Variants in CYREN observed in about 807,000 individuals in gnomAD.
CYREN encodes cell cycle regulator of non-homologous end joining.
In CYREN, 7 loss-of-function variants were observed where a neutral mutation model predicts 9.7. That is an observed-to-expected ratio of 0.72 (90% CI 0.41 to 1.36). CYREN has a LOEUF of 1.36. CYREN is among the 40% of genes most tolerant of loss of function. The pLI is 0.01. For synonymous variants in CYREN, 76 were observed against 77.9 expected (o/e 0.98, Z 0.13); for missense variants, 215 against 198.1 (o/e 1.09, Z -0.51).
intron 2 of CYREN, among the ~76,000 whole-genome samples, chr7:135,103,908 A>G (rs1417038313): frequency 2.0e-5 from 3 of 151,944 alleles, no homozygotes; most frequent in South Asian, 2.1e-4. Flanking sequence ...GATGTTCATC[A>G]TGGTATTATT....
intron 2 of CYREN, among the ~76,000 whole-genome samples, chr7:135,153,899 T>C (rs1012775029): frequency 6.6e-6 from 1 of 152,212 alleles, no homozygotes; most frequent in African/African-American, 2.4e-5. Flanking sequence ...TTTTTAATAG[T>C]TTCAGGATTA....
At chr7:135,153,332 T>C (rs1829707917) in intron 2 of CYREN, among the ~76,000 whole-genome samples, 1 of 151,796 alleles carries the variant, frequency 6.6e-6, no homozygotes, top group Non-Finnish European at 1.5e-5. Flanking sequence ...CACGCACCTG[T>C]AGTCCTAGCT....
chr7:135,122,794 A>C lies in CYREN; in HGVS notation n.357-28212T>G, dbSNP rs77339191. 7.1e-4 allele frequency among the ~76,000 whole-genome samples: 108 copies of C among 152,324 alleles called. 1 individual carries two copies. In the East Asian group the frequency reaches 0.017, roughly 24 times the overall value. On this transcript the variant is annotated intron_variant and non_coding_transcript_variant, in intron 2 of 2. Transcript: ENST00000459937. Reference sequence around the variant, plus strand: ...CCCCAGCAAACAGCAGCAGCCCTATAGAAAAGGGACCTGACCAATGAAAGA... The same window carrying C: ...CCCCAGCAAACAGCAGCAGCCCTATCGAAAAGGGACCTGACCAATGAAAGA...
chr7:135,168,516 A>G (rs1830402595), intron 2 of CYREN: 2 of 496,358 alleles, frequency 4.0e-6, no homozygotes, highest in Non-Finnish European at 7.1e-6. Context: ...CTGGCATCAG[A>G]GACTGGCTGA....
intron 2 of CYREN, chr7:135,115,824 G>A (rs1328973862): frequency 4.2e-6 from 2 of 481,156 alleles, no homozygotes; most frequent in African/African-American, 2.0e-5. Flanking sequence ...TTGATTATTT[G>A]CATGAAACTA....
intron 2 of CYREN, among the ~76,000 whole-genome samples, chr7:135,143,934 C>T (rs1292522618): frequency 6.6e-6 from 1 of 152,168 alleles, no homozygotes; most frequent in Admixed American, 6.5e-5. Flanking sequence ...AGAAGGGAAA[C>T]TCCACTGTGG....
At chr7:135,099,272 A>G (rs1823396795) in intron 2 of CYREN, among the ~76,000 whole-genome samples, 1 of 152,166 alleles carries the variant, frequency 6.6e-6, no homozygotes, top group African/African-American at 2.4e-5. Context: ...TGGAATGTTT[A>G]ACATTTATTA....
chr7:135,094,863 A>C (rs1009468366), intron 2 of CYREN, among the ~76,000 whole-genome samples: 7 of 152,224 alleles, frequency 4.6e-5, no homozygotes, highest in African/African-American at 1.7e-4. Context: ...GGCTTTAATC[A>C]TTAGTAGAAT....
intron 2 of CYREN, among the ~76,000 whole-genome samples, chr7:135,132,458 T>A (rs1027826541): frequency 6.6e-5 from 10 of 152,140 alleles, no homozygotes; most frequent in Middle Eastern, 3.2e-3. Context: ...TTCGACAGAA[T>A]TCAGTACCCA....
At chr7:135,123,707 C>T (rs1396047565) in intron 2 of CYREN, among the ~76,000 whole-genome samples, 2 of 152,130 alleles carry the variant, frequency 1.3e-5, no homozygotes, top group Non-Finnish European at 2.9e-5. Flanking sequence ...AGCAGAAACT[C>T]TACAAGCCAG....
chr7:135,162,806 T>G (rs1829980087), downstream of CYREN, among the ~76,000 whole-genome samples: 1 of 152,188 alleles, frequency 6.6e-6, no homozygotes, highest in Admixed American at 6.5e-5. Context: ...TACACATATG[T>G]AAAATACAGT....
intron 2 of CYREN, among the ~76,000 whole-genome samples, chr7:135,121,786 C>T (rs955259512): frequency 1.3e-5 from 2 of 151,966 alleles, no homozygotes; most frequent in South Asian, 2.1e-4. Context: ...CAGTGGCCCA[C>T]CTGAGAGCCA....
intron 2 of CYREN, among the ~76,000 whole-genome samples, chr7:135,154,336 T>C (rs201465965): frequency 6.6e-6 from 1 of 152,184 alleles, no homozygotes; most frequent in South Asian, 2.1e-4. Flanking sequence ...TGATCCTTTG[T>C]AAATTTTTTG....
At chr7:135,162,937 T>C (rs1271118974), downstream of CYREN, among the ~76,000 whole-genome samples, 1 of 152,246 alleles carries the variant, frequency 6.6e-6, no homozygotes, top group Non-Finnish European at 1.5e-5. Context: ...AGAGGGACTA[T>C]GATTAGCAAA....
rs1829671543 is a variant in CYREN, at chr7:135,151,763, A to G, written n.356+16986T>C. On this transcript the variant is annotated intron_variant and non_coding_transcript_variant, in intron 2 of 2. Coordinates refer to the CYREN transcript ENST00000459937. This position sits in a 1 kb window ranked among gnomAD's most constrained non-coding sequence, Gnocchi z 4.3. ...TGAGGATGTGAGGCTCAGGCTGGCT[A>G]TGTAACTTGCCCAAGGTCATATGAC... Among the ~76,000 whole-genome samples the G allele has an allele frequency of 6.6e-6, 1 of 152,206 alleles. No individual in the cohort carries two copies. The highest frequency in any genetic ancestry group is 2.1e-4 in the South Asian group (1 of 4,822).
At chr7:135,129,728 TTC>T in intron 2 of CYREN, 1 of 727,402 alleles carries the variant, frequency 1.4e-6, no homozygotes, top group Non-Finnish European at 2.6e-6. Flanking sequence ...TGGATTGGTT[TTC>T]CCTAATCTTT....
chr7:135,113,858 T>C lies in CYREN; in HGVS notation n.357-19276A>G, dbSNP rs557305956. Among the ~76,000 whole-genome samples the C allele has an allele frequency of 1.5e-3, 228 of 152,342 alleles. 2 individuals carry two copies. Among genetic ancestry groups the C allele is most frequent in the African/African-American group, 5.3e-3 (219 of 41,574 alleles). ...AACCATCCTTCTACTTTTGTGTCTA[T>C]GAATTTGACTGCTCTAGTCAAATAG... is the stretch of plus-strand genomic sequence containing the variant. On this transcript the variant is annotated intron_variant and non_coding_transcript_variant, in intron 2 of 2. Coordinates refer to the CYREN transcript ENST00000459937.
chr7:135,162,160 T>C (rs1328701488), downstream of CYREN, among the ~76,000 whole-genome samples: 5 of 152,174 alleles, frequency 3.3e-5, no homozygotes, highest in African/African-American at 4.8e-5. Context: ...ATGCAGTGTG[T>C]AGAATGAGAC....
chr7:135,154,685 G>A (rs1344350431), intron 2 of CYREN, among the ~76,000 whole-genome samples: 1 of 152,066 alleles, frequency 6.6e-6, no homozygotes, highest in Non-Finnish European at 1.5e-5. Context: ...TTGATTTCTA[G>A]TTTTATTCCA....
Sources: allele counts gnomAD v4.1 joint callset (sites outside exome capture counted in the v4.1 genomes callset), GRCh38; gene constraint gnomAD v4.1.1; non-coding constraint Gnocchi (gnomAD v3.1); transcripts MANE v1.5; gene names NCBI Gene and HGNC (gene_info 2026-07-23, HGNC 2026-07-21).